DDX54: variants seen among roughly 807,000 people sequenced by gnomAD.
DDX54 encodes DEAD-box helicase 54.
Under a neutral mutation model 105.5 loss-of-function variants are expected in DDX54, and 67 were observed. The ratio of observed to expected loss-of-function variants is 0.64; its 90% CI spans 0.52 to 0.78. The LOEUF is 0.78. Ranked by LOEUF, DDX54 falls within the 30% of genes least tolerant of loss-of-function variation. The pLI is 0.00. For synonymous variants in DDX54, 514 were observed against 509.9 expected, an observed-to-expected ratio of 1.01 and a Z score of -0.11; for missense variants, 1,206 against 1,230.5, an observed-to-expected ratio of 0.98 and a Z score of 0.30.
At position 113,165,968 on chromosome 12, in the gene DDX54, A is replaced by G. The variant is rs1952269674; in HGVS notation, c.1479T>C (p.Ser493=). ...ATGCCTCCAGGGTGCTCTGCAGACC[A>G]CTGTCCTCCTCGTCCACCACACTCT... ...VPQSVVDEED[S]GLQSTLEASL... is the part of the protein sequence containing the mutation. Residue 493 remains serine, a synonymous_variant, in exon 13 of 20, where the codon AGT becomes AGC. Coordinates refer to ENST00000306014, the MANE Select transcript of DDX54 (RefSeq NM_024072.4). 6.2e-7 allele frequency: 1 copy of G among 1,613,268 alleles called. No homozygotes were observed. Among genetic ancestry groups the G allele is most frequent in the Non-Finnish European group, 8.5e-7 (1 of 1,179,996 alleles).
At position 113,185,406 on chromosome 12, in the gene DDX54, C is replaced by T; in HGVS notation, c.46G>A (p.Ala16Thr). 6.5e-7 allele frequency: 1 copy of T among 1,541,436 alleles called. No homozygotes were observed. The highest frequency in any genetic ancestry group is 8.7e-7 in the Non-Finnish European group (1 of 1,146,518). The change falls in exon 1 of 20, where the codon GCC (alanine) becomes ACC (threonine). Residue 16 changes from alanine to threonine, a missense_variant. By Grantham distance (58) the Ala-to-Thr change is moderately conservative. Around this residue, in one of 3 missense-constraint regions of DDX54, gnomAD observed 212 missense variants for 155.4 expected, o/e 1.36. Transcript: ENST00000306014. ...GPAAGPRSRA[A>T]MAQWRKKKGL... ...TTCTTCTTCCTCCACTGGGCCATGG[C>T]AGCTCGCGACCGAGGTCCAGCCGCC...
In DDX54 at chr12:113,158,761, C is replaced by T; in HGVS notation, c.*116G>A. 8.5e-7 allele frequency: 1 copy of T among 1,173,856 alleles called. No homozygotes were observed. The highest frequency in any genetic ancestry group is 1.2e-6 in the Non-Finnish European group (1 of 847,794). 72.7% of individuals were successfully genotyped at this position (1,173,856 alleles called of 1,614,324 possible). A position where few individuals can be genotyped will look rare whatever the true frequency, so the allele number is the denominator to read the frequency against. ...TGCTCCTTTTCACAGATGATGGCTC[C>T]TGCAGGGAGTGCCCCCAGTGCCCAG... On this transcript the variant is annotated 3_prime_UTR_variant, in exon 20 of 20. Transcript: ENST00000306014. This position sits in a 1 kb window ranked among gnomAD's most constrained non-coding sequence, Gnocchi z 4.9.
chr12:113,161,583 A>G (rs1441964452), intron 18 of DDX54: 7 of 544,970 alleles, frequency 1.3e-5, no homozygotes, highest in South Asian at 1.3e-4. Flanking sequence ...GGTCCCACTT[A>G]TTGGAGATGC....
rs1952276516 is a variant in DDX54, at chr12:113,166,398, C to CT, written c.1415-367dup. Among the ~76,000 whole-genome samples the CT allele has an allele frequency of 2.7e-5, 4 of 148,170 alleles. 1 individual carries two copies. The South Asian group carries it at 8.5e-4, about 32-fold the overall frequency. On this transcript the variant is annotated intron_variant, in intron 12 of 19. Coordinates refer to ENST00000306014, the MANE Select transcript of DDX54 (RefSeq NM_024072.4). ...AGCCTAGAATATGTACTATCCGGCTCTAAAAAAAAAAAACTTTGTTGGCCG... is the reference window on the plus strand; with the variant it reads ...AGCCTAGAATATGTACTATCCGGCTCTTAAAAAAAAAAAACTTTGTTGGCCG...
chr12:113,167,878 G>A (rs866150652), intron 12 of DDX54: 7 of 463,954 alleles, frequency 1.5e-5, no homozygotes, highest in Non-Finnish European at 2.5e-5. Flanking sequence ...GGCCCTGGGC[G>A]CAGGGTCCAT....
At chr12:113,167,856 C>T (rs751723115) in intron 12 of DDX54, 52 of 439,018 alleles carry the variant, frequency 1.2e-4, no homozygotes, top group Non-Finnish European at 1.9e-4. Context: ...TACGGGGCTG[C>T]GTGCTGCCTC....
At chr12:113,172,315 A>G in intron 11 of DDX54, 38 bp downstream of exon 11, 1 of 1,597,424 alleles carries the variant, frequency 6.3e-7, no homozygotes, top group East Asian at 2.3e-5. Context: ...AGGATCCGGC[A>G]CCCCTGCCTG....
intron 1 of DDX54, among the ~76,000 whole-genome samples, chr12:113,181,292 ATTT>A (rs771201541): frequency 7.2e-6 from 1 of 139,316 alleles, no homozygotes; most frequent in Non-Finnish European, 1.6e-5. Flanking sequence ...AAGTAAGTAC[ATTT>A]TTTTTTTTTT....
intron 10 of DDX54, among the ~76,000 whole-genome samples, chr12:113,172,999 CAG>C (rs1952357941): frequency 6.6e-6 from 1 of 152,160 alleles, no homozygotes; most frequent in African/African-American, 2.4e-5. Flanking sequence ...GTGCTGAGAA[CAG>C]AGTCTCAACA....
rs770157400 is a variant in DDX54 at position 113,179,210 on chromosome 12, C to A, written c.497G>T (p.Gly166Val). The A allele has an allele frequency of 7.4e-6, 12 of 1,614,000 alleles. No individual in the cohort carries two copies. Among genetic ancestry groups the A allele is most frequent in the Non-Finnish European group, 1.0e-5 (12 of 1,180,018 alleles). Residue 166 changes from glycine to valine, a missense_variant, in exon 4 of 20, where the codon GGG becomes GTG. Physicochemically the swap from Gly to Val is moderately radical, Grantham distance 109. This residue lies in a region of DDX54 where 961 missense variants were observed against 1,019.1 expected (regional missense o/e 0.94). Transcript: ENST00000306014. Reference sequence around the variant, plus strand: ...CGGCGAGAGGATGAGGGCGCGGGCCCCGGTCTGGGCACTGTGGGTCTTGAG... The same window carrying A: ...CGGCGAGAGGATGAGGGCGCGGGCCACGGTCTGGGCACTGTGGGTCTTGAG... ...ERLKTHSAQT[G>V]ARALILSPTR...
In DDX54 at chr12:113,165,943, A is replaced by G. The variant is rs146350741; in HGVS notation, c.1504T>C (p.Ser502Pro). Residue 502 changes from serine to proline, a missense_variant, in exon 13 of 20, where the codon TCG becomes CCG. Ser to Pro is a moderately conservative substitution (Grantham distance 74). Coordinates refer to ENST00000306014, the MANE Select transcript of DDX54 (RefSeq NM_024072.4). ...CGGGCCAGGCCCCGTAGCTCCAGCG[A>G]TGCCTCCAGGGTGCTCTGCAGACCA... ...DSGLQSTLEASLELRGLARVA... is the reference protein window; with the variant it reads ...DSGLQSTLEAPLELRGLARVA... 1.1e-4 allele frequency: 181 copies of G among 1,613,590 alleles called. 1 individual carries two copies. Among genetic ancestry groups the G allele is most frequent in the Admixed American group, 4.7e-4 (28 of 60,012 alleles).
chr12:113,161,499 C>A (rs535599503), intron 18 of DDX54, 117 bp from the exon 19 acceptor site: 2 of 792,750 alleles, frequency 2.5e-6, no homozygotes, highest in South Asian at 3.5e-5. Context: ...GCTGCTCGGC[C>A]CCGCCCCCAG....
rs570537267 is a variant in DDX54 at position 113,163,564 on chromosome 12, G to A, written c.1939-290C>T. On this transcript the variant is annotated intron_variant, in intron 15 of 19. Coordinates refer to ENST00000306014, the MANE Select transcript of DDX54 (RefSeq NM_024072.4). This position sits in a 1 kb window ranked among gnomAD's most constrained non-coding sequence, Gnocchi z 5.9. ...AGACCCAACTCCCCATTCCAGCTCC[G>A]CACCCCAGGCTATGTGACAGCCGGC... is the stretch of plus-strand genomic sequence containing the variant. Among the ~76,000 whole-genome samples the A allele has an allele frequency of 4.6e-5, 7 of 152,144 alleles. No individual in the cohort carries two copies. Among genetic ancestry groups the A allele is most frequent in the Admixed American group, 3.3e-4 (5 of 15,296 alleles).
chr12:113,163,227 G>T lies in DDX54; in HGVS notation c.1986C>A (p.Pro662=). 6.2e-7 allele frequency: 1 copy of T among 1,611,554 alleles called. No individual in the cohort carries two copies. ...CCCTCCGCCTCTTGGCTCCCCTGTTGGGTCCTGACCGCTGCCGCTTCCGGC... is the reference window on the plus strand; with the variant it reads ...CCCTCCGCCTCTTGGCTCCCCTGTTTGGTCCTGACCGCTGCCGCTTCCGGC... The part of the protein sequence containing the change: ...VVGRKRQRSG[P]NRGAKRRREE... The change falls in exon 16 of 20, where the codon CCC becomes CCA. Residue 662 remains proline, a synonymous_variant. Transcript: ENST00000306014. This position sits in a 1 kb window ranked among gnomAD's most constrained non-coding sequence, Gnocchi z 5.9.
intron 12 of DDX54, among the ~76,000 whole-genome samples, chr12:113,167,240 G>A (rs1044416670): frequency 2.0e-5 from 3 of 152,184 alleles, no homozygotes; most frequent in Non-Finnish European, 4.4e-5. Flanking sequence ...ATCCAGGCAT[G>A]GTGGCACCTG....
Position 113,157,607 on chromosome 12 carries a change from G to A in DDX54, c.*1270C>T. ...TTCGTGCTGGGCCCCCCCAGGTGAA[G>A]CTGTTCATGCAGGACCTCTCTGCCA... On this transcript the variant is annotated 3_prime_UTR_variant, in exon 20 of 20. Coordinates refer to ENST00000306014, the MANE Select transcript of DDX54 (RefSeq NM_024072.4). The A allele has an allele frequency of 1.3e-6, 2 of 1,551,678 alleles. No individual in the cohort carries two copies. The highest frequency in any genetic ancestry group is 1.7e-6 in the Non-Finnish European group (2 of 1,146,982).
intron 5 of DDX54, among the ~76,000 whole-genome samples, chr12:113,178,123 G>T (rs567067698): frequency 1.3e-5 from 2 of 152,228 alleles, no homozygotes; most frequent in South Asian, 4.1e-4. Context: ...TGTAGTGCCA[G>T]CTACTGGGGA....
rs1952144674 is a variant in DDX54, at chr12:113,157,550, G to A, written c.*1327C>T. 6.7e-7 allele frequency: 1 copy of A among 1,487,256 alleles called. No individual in the cohort carries two copies. Among genetic ancestry groups the A allele is most frequent in the Non-Finnish European group, 9.2e-7 (1 of 1,088,998 alleles). 92.1% of individuals were successfully genotyped at this position (1,487,256 alleles called of 1,614,324 possible). ...CTCCCCCGCGTGTTGAGGGGTGGGGGCTGGACAGTGACTCTGGGGCTGGGA... is the reference window on the plus strand; with the variant it reads ...CTCCCCCGCGTGTTGAGGGGTGGGGACTGGACAGTGACTCTGGGGCTGGGA... On this transcript the variant is annotated 3_prime_UTR_variant, in exon 20 of 20. Transcript: ENST00000306014.
chr12:113,175,297 G>A lies in DDX54; in HGVS notation c.753-140C>T, dbSNP rs1593005940. ...AACTCAGCCCACTCACACTTATCACGTGACTTCATCCTAAACAACAATAAC... is the reference window on the plus strand; with the variant it reads ...AACTCAGCCCACTCACACTTATCACATGACTTCATCCTAAACAACAATAAC... On this transcript the variant is annotated intron_variant, in intron 7 of 19. Coordinates refer to ENST00000306014, the MANE Select transcript of DDX54 (RefSeq NM_024072.4). 2.7e-5 allele frequency: 32 copies of A among 1,186,800 alleles called. 1 individual carries two copies. The East Asian group carries it at 7.5e-4, about 28-fold the overall frequency. 73.5% of individuals were successfully genotyped at this position (1,186,800 alleles called of 1,614,324 possible).
Sources: allele counts gnomAD v4.1 joint callset (sites outside exome capture counted in the v4.1 genomes callset), GRCh38; gene constraint gnomAD v4.1.1; regional missense constraint gnomAD v4.1.1; non-coding constraint Gnocchi (gnomAD v3.1); transcripts MANE v1.5; gene names NCBI Gene and HGNC (gene_info 2026-07-23, HGNC 2026-07-21).